The following MYRIP variants were observed in gnomAD, a reference collection of about 807,000 sequenced individuals.
MYRIP encodes the protein rab effector MyRIP.
A neutral mutation model predicts 98.0 loss-of-function variants in MYRIP; 49 were observed. The observed-to-expected ratio is 0.50, with a 90% CI of 0.40 to 0.63. The LOEUF (loss-of-function observed/expected upper bound fraction) is 0.63. Ranked by LOEUF, MYRIP falls within the 30% of genes least tolerant of loss-of-function variation. MYRIP has a pLI of 0.00. For missense variants in MYRIP, 1,004 were observed against 1,058.2 expected (o/e 0.95, Z 0.71); for synonymous variants, 404 against 409.5 (o/e 0.99, Z 0.16).
At chr3:39,968,291 G>A (rs1945491431) in intron 2 of MYRIP, among the ~76,000 whole-genome samples, 1 of 151,452 alleles carries the variant, frequency 6.6e-6, no homozygotes, top group Non-Finnish European at 1.5e-5. Flanking sequence ...GCATGCCTCA[G>A]CCTCCCAAGT....
intron 1 of MYRIP, among the ~76,000 whole-genome samples, chr3:39,830,589 T>G (rs1250375832): frequency 6.6e-6 from 1 of 152,170 alleles, no homozygotes; most frequent in Non-Finnish European, 1.5e-5. Flanking sequence ...CTGCTGCCCT[T>G]TGTTCTGTGA....
intron 2 of MYRIP, among the ~76,000 whole-genome samples, chr3:39,995,042 C>A (rs1946304367): frequency 6.6e-6 from 1 of 152,082 alleles, no homozygotes; most frequent in Non-Finnish European, 1.5e-5. Context: ...ATCTGTAAGT[C>A]ACCATCATCA....
chr3:40,153,491 A>C (rs1250552453), intron 4 of MYRIP, among the ~76,000 whole-genome samples: 1 of 152,084 alleles, frequency 6.6e-6, no homozygotes, highest in African/African-American at 2.4e-5. Flanking sequence ...AGAATCGCCA[A>C]GGGCGCTTTG....
intron 3 of MYRIP, among the ~76,000 whole-genome samples, chr3:40,107,289 G>A (rs1949067555): frequency 6.6e-6 from 1 of 152,182 alleles, no homozygotes; most frequent in Admixed American, 6.5e-5. Flanking sequence ...GTCACTTTAT[G>A]GCCTCCAGCT....
intron 10 of MYRIP, among the ~76,000 whole-genome samples, chr3:40,192,032 G>C (rs1488138667): frequency 6.6e-5 from 10 of 151,882 alleles, no homozygotes; most frequent in African/African-American, 2.4e-4. Context: ...CCTTGAGCTA[G>C]TGGCAGTACC....
At chr3:40,250,188 C>A in intron 13 of MYRIP, 34 bp from the exon 14 acceptor site, 1 of 1,527,988 alleles carries the variant, frequency 6.5e-7, no homozygotes, top group Non-Finnish European at 9.1e-7. Flanking sequence ...TCCGTATTTT[C>A]TCCCTGCCAA....
At chr3:40,078,497 T>C (rs1031688285) in intron 3 of MYRIP, among the ~76,000 whole-genome samples, 2 of 152,238 alleles carry the variant, frequency 1.3e-5, no homozygotes, top group African/African-American at 2.4e-5. Context: ...TGTATGACTT[T>C]CTCATTTCAG....
chr3:39,832,698 GC>G (rs1419320713), intron 1 of MYRIP, among the ~76,000 whole-genome samples: 1 of 152,258 alleles, frequency 6.6e-6, no homozygotes, highest in East Asian at 1.9e-4. Flanking sequence ...GTAAAGCAGT[GC>G]CCCCAATGAA....
In MYRIP at chr3:40,255,136, T is replaced by C. The variant is rs548792223; in HGVS notation, c.2548-2998T>C. Among the ~76,000 whole-genome samples, 7 of 152,328 alleles carry C rather than the reference T, an allele frequency of 4.6e-5. No individual in the cohort carries two copies. In the South Asian group the frequency reaches 1.4e-3, roughly 32 times the overall value. On this transcript the variant is annotated intron_variant, in intron 16 of 16. Coordinates refer to ENST00000302541, the MANE Select transcript of MYRIP (RefSeq NM_015460.4). The stretch of plus-strand genomic sequence containing the variant: ...GTCTAATTCCCTTGCTTCTGACCAT[T>C]AGTTCACAGAGCGGAAAAAGATGCA...
intron 2 of MYRIP, among the ~76,000 whole-genome samples, chr3:40,027,643 T>C (rs1366444102): frequency 6.6e-6 from 1 of 152,198 alleles, no homozygotes; most frequent in Non-Finnish European, 1.5e-5. Context: ...AATTTATAGT[T>C]ACTTTGTTTT....
At chr3:40,176,408 G>T (rs1950759278) in intron 8 of MYRIP, among the ~76,000 whole-genome samples, 1 of 152,116 alleles carries the variant, frequency 6.6e-6, no homozygotes, top group South Asian at 2.1e-4. Flanking sequence ...GCACAGCACT[G>T]GTCTAGGGAT....
At chr3:39,863,612 A>G (rs1462118588) in intron 1 of MYRIP, among the ~76,000 whole-genome samples, 1 of 152,242 alleles carries the variant, frequency 6.6e-6, no homozygotes, top group Non-Finnish European at 1.5e-5. Flanking sequence ...AGATTGAACC[A>G]GGAAGAAATT....
chr3:39,969,009 G>A (rs1024717129), intron 2 of MYRIP, among the ~76,000 whole-genome samples: 1 of 152,116 alleles, frequency 6.6e-6, no homozygotes, highest in Admixed American at 6.6e-5. Context: ...TTTGAGAAGT[G>A]TTTTATAATT....
chr3:39,860,311 G>C (rs576289210), intron 1 of MYRIP, among the ~76,000 whole-genome samples: 2 of 152,280 alleles, frequency 1.3e-5, no homozygotes, highest in South Asian at 4.1e-4. Flanking sequence ...TGCAGGGAGA[G>C]CTGCTTAGAG....
At chr3:39,991,731 C>A (rs972139283) in intron 2 of MYRIP, among the ~76,000 whole-genome samples, 1 of 152,144 alleles carries the variant, frequency 6.6e-6, no homozygotes, top group Non-Finnish European at 1.5e-5. Context: ...TATTTCAGTT[C>A]CCCAACATAG....
Position 40,163,042 on chromosome 3 carries a change from T to A in MYRIP, c.550+232T>A, listed in dbSNP as rs1054479650. On this transcript the variant is annotated intron_variant, in intron 5 of 16. Coordinates refer to ENST00000302541, the MANE Select transcript of MYRIP (RefSeq NM_015460.4). ...GAGAACAGCATTCGTTACCCAACCA[T>A]GGATACTTTACAGTCAACTAGTAAA... 1.4e-5 allele frequency: 6 copies of A among 429,064 alleles called. No individual in the cohort carries two copies. In the Admixed American group the frequency reaches 1.6e-4, roughly 12 times the overall value. 26.6% of individuals were successfully genotyped at this position (429,064 alleles called of 1,614,324 possible). A position where few individuals can be genotyped will look rare whatever the true frequency, so the allele number is the denominator to read the frequency against.
intron 2 of MYRIP, among the ~76,000 whole-genome samples, chr3:40,035,015 T>G (rs1032021934): frequency 7.3e-6 from 1 of 137,034 alleles, no homozygotes; most frequent in Non-Finnish European, 1.5e-5. Context: ...TAGGTGGGAA[T>G]TGAACAATGA....
At chr3:40,248,017 G>A (rs913151415) in intron 13 of MYRIP, among the ~76,000 whole-genome samples, 7 of 152,218 alleles carry the variant, frequency 4.6e-5, no homozygotes, top group African/African-American at 1.4e-4. Flanking sequence ...GCTAACTGGT[G>A]CCAGAGAATG....
intron 3 of MYRIP, among the ~76,000 whole-genome samples, chr3:40,126,468 A>T (rs1387667349): frequency 6.6e-6 from 1 of 152,238 alleles, no homozygotes; most frequent in Non-Finnish European, 1.5e-5. Flanking sequence ...AGGGCTTAGG[A>T]TTAAACAATG....
Sources: gnomAD v4.1 joint callset for allele counts (sites outside exome capture counted in the v4.1 genomes callset) on GRCh38, gnomAD v4.1.1 for gene constraint, MANE v1.5 for transcripts, NCBI Gene and HGNC (gene_info 2026-07-23, HGNC 2026-07-21) for gene names.